Variants in PTPRT observed in about 807,000 individuals in gnomAD.
PTPRT encodes receptor-type tyrosine-protein phosphatase T.
A neutral mutation model predicts 176.8 loss-of-function variants in PTPRT; 56 were observed. That is an observed-to-expected ratio of 0.32 (90% confidence interval 0.26 to 0.40). PTPRT has a LOEUF of 0.40. PTPRT is among the 10% of genes least tolerant of loss of function. The pLI is 1.00. For missense variants in PTPRT, 1,540 were observed against 1,908.2 expected (o/e 0.81, Z 3.60); for synonymous variants, 783 against 739.0 (o/e 1.06, Z -0.96).
At chr20:42,744,710 C>T (rs999682027) in intron 6 of PTPRT, among the ~76,000 whole-genome samples, 3 of 152,214 alleles carry the variant, frequency 2.0e-5, no homozygotes, top group Non-Finnish European at 2.9e-5. Flanking sequence ...CAAGGTGATT[C>T]AGGGACCCAG....
At chr20:43,185,764 C>G (rs1048856471) in intron 1 of PTPRT, among the ~76,000 whole-genome samples, 9 of 152,062 alleles carry the variant, frequency 5.9e-5, no homozygotes, top group African/African-American at 1.9e-4. Context: ...GAAACCCCGT[C>G]TCTATAAAAA....
chr20:42,716,415 G>A (rs2076223588), intron 6 of PTPRT, among the ~76,000 whole-genome samples: 2 of 152,246 alleles, frequency 1.3e-5, no homozygotes, highest in Admixed American at 1.3e-4. Context: ...AGCACCTGTT[G>A]TTTCCTGACT....
chr20:42,482,071 A>C (rs561103432), intron 7 of PTPRT, among the ~76,000 whole-genome samples: 2 of 152,334 alleles, frequency 1.3e-5, no homozygotes, highest in African/African-American at 4.8e-5. Context: ...GAGGCCAAGA[A>C]TTCTTTCCTG....
intron 7 of PTPRT, among the ~76,000 whole-genome samples, chr20:42,623,069 C>T (rs1320396163): frequency 6.6e-6 from 1 of 152,176 alleles, no homozygotes; most frequent in African/African-American, 2.4e-5. Flanking sequence ...CACTCCATTC[C>T]CCCTCTAGCT....
At chr20:42,406,571 T>A (rs2058963154) in intron 9 of PTPRT, among the ~76,000 whole-genome samples, 1 of 152,098 alleles carries the variant, frequency 6.6e-6, no homozygotes, top group East Asian at 1.9e-4. Context: ...AATATATCCT[T>A]TAAGGAAAGA....
At chr20:42,041,275 C>G in the PTPRT span, among the ~76,000 whole-genome samples, 1 of 152,174 alleles carries the variant, frequency 6.6e-6, no homozygotes, top group East Asian at 1.9e-4. Flanking sequence ...TTGTTCATAA[C>G]AATCTCTAAA....
At chr20:42,104,793 G>C in intron 24 of PTPRT, 75 bp from the exon 25 acceptor site, 1 of 1,429,560 alleles carries the variant, frequency 7.0e-7, no homozygotes, top group African/African-American at 1.4e-5. Context: ...CACATTTAGT[G>C]TTGTGGCTAT....
At chr20:42,050,891 C>T in the PTPRT span, among the ~76,000 whole-genome samples, 1 of 152,186 alleles carries the variant, frequency 6.6e-6, no homozygotes, top group African/African-American at 2.4e-5. Flanking sequence ...GGGCCAGGAG[C>T]TGTGGGTTAT....
chr20:42,590,972 GTGTA>G (rs202219517), intron 7 of PTPRT, among the ~76,000 whole-genome samples: 24 of 138,228 alleles, frequency 1.7e-4, no homozygotes, highest in African/African-American at 7.1e-4. Context: ...GTGTGTGTGT[GTGTA>G]ATGGGGCATT....
intron 2 of PTPRT, among the ~76,000 whole-genome samples, chr20:42,815,511 A>T (rs1422592457): frequency 1.3e-5 from 2 of 152,182 alleles, no homozygotes; most frequent in Non-Finnish European, 2.9e-5. Flanking sequence ...ACAAGGAAAC[A>T]TTTTTTCTGC....
chr20:42,657,287 T>C (rs987268978), intron 7 of PTPRT, among the ~76,000 whole-genome samples: 1 of 152,158 alleles, frequency 6.6e-6, no homozygotes, highest in African/African-American at 2.4e-5. Context: ...TAGTTCTTTA[T>C]AGTAGTGTGA....
At position 42,403,814 on chromosome 20, in the gene PTPRT, C is replaced by G. The variant is rs1426016740; in HGVS notation, c.1560+44406G>C. Among the ~76,000 whole-genome samples, 4 of 152,116 alleles carry G rather than the reference C, an allele frequency of 2.6e-5. No homozygotes were observed. In the East Asian group the frequency reaches 7.7e-4, roughly 29 times the overall value. On this transcript the variant is annotated intron_variant, in intron 9 of 30. Transcript: ENST00000373187. ...CTTTCTAATCTGGCCCTATCCAAAC[C>G]TGCCTGGTTGGTACAGGTGACCTAT...
chr20:42,688,849 G>T (rs1053444370), intron 6 of PTPRT, among the ~76,000 whole-genome samples: 1 of 152,122 alleles, frequency 6.6e-6, no homozygotes, highest in African/African-American at 2.4e-5. Flanking sequence ...AAGTAATGAG[G>T]GCTGACTCTG....
chr20:42,986,157 A>G (rs1983562969), intron 1 of PTPRT, among the ~76,000 whole-genome samples: 1 of 152,246 alleles, frequency 6.6e-6, no homozygotes, highest in South Asian at 2.1e-4. Flanking sequence ...AAGCTCTGAC[A>G]CTATGCCAAC....
intron 9 of PTPRT, among the ~76,000 whole-genome samples, chr20:42,414,339 AAATAATCC>A (rs1439792736): frequency 3.3e-5 from 5 of 152,256 alleles, no homozygotes; most frequent in African/African-American, 1.2e-4. Flanking sequence ...TTTAATGTTG[AAATAATCC>A]AAGCATTTCT....
chr20:42,305,476 A>T (rs1394776087), intron 12 of PTPRT, among the ~76,000 whole-genome samples: 3 of 152,186 alleles, frequency 2.0e-5, no homozygotes, highest in African/African-American at 4.8e-5. Context: ...CATATGCTGA[A>T]TTCTTGTTCT....
chr20:42,573,747 TTC>T (rs1157037742), intron 7 of PTPRT, among the ~76,000 whole-genome samples: 35 of 136,570 alleles, frequency 2.6e-4, no homozygotes, highest in African/African-American at 7.8e-4. Flanking sequence ...CTTTCTTTCT[TTC>T]TTTTTTTTTT....
chr20:42,805,749 T>C lies in PTPRT; in HGVS notation c.215-14283A>G, dbSNP rs528763306. On this transcript the variant is annotated intron_variant, in intron 2 of 30. Coordinates refer to ENST00000373187, the MANE Select transcript of PTPRT (RefSeq NM_007050.6). ...CGATTATTTCCCCAGGAAGGATCTATGAATGGTGTATTTTCTGAGCCTGTG... is the reference window on the plus strand; with the variant it reads ...CGATTATTTCCCCAGGAAGGATCTACGAATGGTGTATTTTCTGAGCCTGTG... 2.0e-4 allele frequency among the ~76,000 whole-genome samples: 31 copies of C among 152,326 alleles called. 1 individual carries two copies. In the South Asian group the frequency reaches 6.2e-3, roughly 31 times the overall value.
intron 17 of PTPRT, among the ~76,000 whole-genome samples, chr20:42,142,661 T>C (rs971938877): frequency 1.3e-5 from 2 of 152,202 alleles, no homozygotes; most frequent in African/African-American, 4.8e-5. Context: ...TTCTTATACA[T>C]ACATACCTAT....
Sources: allele counts gnomAD v4.1 joint callset (sites outside exome capture counted in the v4.1 genomes callset), GRCh38; gene constraint gnomAD v4.1.1; transcripts MANE v1.5; gene names NCBI Gene and HGNC (gene_info 2026-07-23, HGNC 2026-07-21).